The following PTPN14 variants were observed in gnomAD, a reference collection of about 807,000 sequenced individuals.
The protein encoded by PTPN14 is protein tyrosine phosphatase non-receptor type 14.
In PTPN14, 53 loss-of-function variants were observed where a neutral mutation model predicts 126.8. The observed-to-expected ratio is 0.42, with a 90% confidence interval of 0.34 to 0.53. PTPN14 has a LOEUF of 0.53. Among genes scored for constraint, PTPN14 ranks in the 20% least tolerant of loss-of-function variants. The pLI is 0.08. For missense variants in PTPN14, 1,257 were observed against 1,552.9 expected, an observed-to-expected ratio of 0.81 and a Z score of 3.20; for synonymous variants, 630 against 599.3, an observed-to-expected ratio of 1.05 and a Z score of -0.75.
chr1:214,452,062 C>T, intron 2 of PTPN14, 88 bp from the exon 3 acceptor site: 1 of 1,440,296 alleles, frequency 6.9e-7, no homozygotes, highest in Non-Finnish European at 9.4e-7. Context: ...CATGCTGCAT[C>T]CCACCCTGGG....
intron 2 of PTPN14, among the ~76,000 whole-genome samples, chr1:214,462,929 A>T (rs1660544266): frequency 6.6e-6 from 1 of 152,154 alleles, no homozygotes; most frequent in Admixed American, 6.5e-5. Flanking sequence ...AGCACTATAC[A>T]TTTTCCATAC....
At chr1:214,477,833 C>A (rs1660899732) in intron 1 of PTPN14, among the ~76,000 whole-genome samples, 1 of 152,146 alleles carries the variant, frequency 6.6e-6, no homozygotes, top group African/African-American at 2.4e-5. Flanking sequence ...AAATTTGTAT[C>A]TAATAAATAC....
intron 18 of PTPN14, among the ~76,000 whole-genome samples, chr1:214,362,370 G>A (rs57604915): frequency 0.036 from 5,497 of 152,266 alleles, 192 homozygotes; most frequent in African/African-American, 0.092. Context: ...GGTTGACCAC[G>A]TCCCAGCAAA....
rs185786892 is a variant in PTPN14, at chr1:214,443,374, G to A, written c.344+8431C>T. Among the ~76,000 whole-genome samples the A allele has an allele frequency of 9.2e-5, 14 of 152,204 alleles. No individual in the cohort carries two copies. In the East Asian group the frequency reaches 1.9e-3, roughly 21 times the overall value. ...CCAATTCCTGCAAGGATTTCCCAGT[G>A]AGTCAGATCCAGAAGCAGAAATGGT... On this transcript the variant is annotated intron_variant, in intron 3 of 18. Coordinates refer to ENST00000366956, the MANE Select transcript of PTPN14 (RefSeq NM_005401.5).
At chr1:214,496,733 A>G (rs1303771034) in intron 1 of PTPN14, among the ~76,000 whole-genome samples, 1 of 152,188 alleles carries the variant, frequency 6.6e-6, no homozygotes, top group African/African-American at 2.4e-5. Context: ...AGAACAATTT[A>G]TCCATAATCT....
chr1:214,422,935 G>A (rs1272582412), intron 3 of PTPN14, among the ~76,000 whole-genome samples: 3 of 152,092 alleles, frequency 2.0e-5, no homozygotes, highest in African/African-American at 7.2e-5. Context: ...TCTGATGAAC[G>A]AATGAGGCAA....
chr1:214,513,568 C>G (rs1571636269), intron 1 of PTPN14, among the ~76,000 whole-genome samples: 1 of 152,202 alleles, frequency 6.6e-6, no homozygotes, highest in Non-Finnish European at 1.5e-5. Flanking sequence ...CCACCACTCT[C>G]TGTGTGCTAC....
chr1:214,392,925 G>A (rs1301457593), intron 10 of PTPN14, among the ~76,000 whole-genome samples: 1 of 152,176 alleles, frequency 6.6e-6, no homozygotes, highest in African/African-American at 2.4e-5. Flanking sequence ...GAGTGGAAAA[G>A]CAGTTCTTCT....
At chr1:214,428,558 A>G (rs552734893) in intron 3 of PTPN14, among the ~76,000 whole-genome samples, 14 of 152,272 alleles carry the variant, frequency 9.2e-5, no homozygotes, top group African/African-American at 3.4e-4. Context: ...CTTGTCCCTC[A>G]AATCCTCTGC....
intron 1 of PTPN14, among the ~76,000 whole-genome samples, chr1:214,476,278 G>C (rs948489815): frequency 2.6e-5 from 4 of 152,178 alleles, no homozygotes; most frequent in African/African-American, 9.7e-5. Context: ...AATCACAAAA[G>C]CAAATGGAAA....
rs1454535074 is a variant in PTPN14 at position 214,411,677 on chromosome 1, C to T, written c.510+7G>A. 1.0e-5 allele frequency: 15 copies of T among 1,466,712 alleles called. No individual in the cohort carries two copies. The highest frequency in any genetic ancestry group is 2.4e-5 in the East Asian group (1 of 41,620). 90.9% of individuals were successfully genotyped at this position (1,466,712 alleles called of 1,614,324 possible). A position where few individuals can be genotyped will look rare whatever the true frequency, so the allele number is the denominator to read the frequency against. The stretch of plus-strand genomic sequence containing the variant: ...AAATTAATTAAGAAAAATGAAATTA[C>T]ACTTACCATAGGAAATAGCACATAC... On this transcript the variant is annotated splice_region_variant and intron_variant, in intron 5 of 18. Transcript: ENST00000366956.
At chr1:214,536,123 C>T (rs1049195938) in intron 1 of PTPN14, among the ~76,000 whole-genome samples, 4 of 148,872 alleles carry the variant, frequency 2.7e-5, no homozygotes, top group African/African-American at 9.9e-5. Context: ...GGTACAGTAG[C>T]TCACACCTAT....
In PTPN14 at chr1:214,436,786, C is replaced by CAAAAAAAAAAAAAAA. The variant is rs1159209240; in HGVS notation, c.344+15004_344+15018dup. Among the ~76,000 whole-genome samples the CAAAAAAAAAAAAAAA allele has an allele frequency of 7.1e-4, 33 of 46,632 alleles. 1 individual carries two copies. The highest frequency in any genetic ancestry group is 2.4e-3 in the African/African-American group (31 of 13,040). 30.6% of individuals were successfully genotyped at this position (46,632 alleles called of 152,430 possible). Reference sequence around the variant, plus strand: ...TGGGCGACAGAGAAAGACTCCGTCTCAAAAAAAAAAAAAAAAAAAAAAAAA... The same window carrying CAAAAAAAAAAAAAAA: ...TGGGCGACAGAGAAAGACTCCGTCTCAAAAAAAAAAAAAAAAAAAAAAAAAAAAAAAAAAAAAAAA... On this transcript the variant is annotated intron_variant, in intron 3 of 18. Coordinates refer to ENST00000366956, the MANE Select transcript of PTPN14 (RefSeq NM_005401.5).
At chr1:214,488,391 C>T (rs1661161739) in intron 1 of PTPN14, among the ~76,000 whole-genome samples, 1 of 152,136 alleles carries the variant, frequency 6.6e-6, no homozygotes, top group Non-Finnish European at 1.5e-5. Flanking sequence ...ACAAAGCCCA[C>T]CTACCATAAA....
At chr1:214,420,251 T>C (rs570778559) in intron 3 of PTPN14, among the ~76,000 whole-genome samples, 2 of 152,356 alleles carry the variant, frequency 1.3e-5, no homozygotes, top group East Asian at 3.9e-4. Context: ...GGCTTTTTCA[T>C]ACTATAAGCT....
rs114317407 is a variant in PTPN14, at chr1:214,501,694, G to T, written c.-154-36737C>A. On this transcript the variant is annotated intron_variant, in intron 1 of 18. Transcript: ENST00000366956. ...CTCAATAAACACTAATTAAGGAAAT[G>T]AATTGGGATCACCAGGCGTAGTATA... 2.0e-3 allele frequency among the ~76,000 whole-genome samples: 301 copies of T among 152,304 alleles called. 2 individuals carry two copies. Among genetic ancestry groups the T allele is most frequent in the African/African-American group, 6.6e-3 (276 of 41,566 alleles).
At chr1:214,378,480 C>A (rs557733086) in intron 13 of PTPN14, among the ~76,000 whole-genome samples, 1 of 152,346 alleles carries the variant, frequency 6.6e-6, no homozygotes, top group Admixed American at 6.5e-5. Context: ...TATGAACCAT[C>A]TAATCCAATC....
chr1:214,487,245 CAGGAATTAAAGTGAAG>C (rs1661134773), intron 1 of PTPN14, among the ~76,000 whole-genome samples: 1 of 37,564 alleles, frequency 2.7e-5, no homozygotes, highest in East Asian at 6.0e-4. Flanking sequence ...AAGTGAAAGA[CAGGAATTAAAGTGAAG>C]GAAGGAGGAG....
At chr1:214,541,658 G>A (rs977499121) in intron 1 of PTPN14, among the ~76,000 whole-genome samples, 1 of 152,146 alleles carries the variant, frequency 6.6e-6, no homozygotes, top group Non-Finnish European at 1.5e-5. Flanking sequence ...TGATTTACCT[G>A]TCCATTTCCT....
Sources: gnomAD v4.1 joint callset for allele counts (sites outside exome capture counted in the v4.1 genomes callset) on GRCh38, gnomAD v4.1.1 for gene constraint, MANE v1.5 for transcripts, NCBI Gene and HGNC (gene_info 2026-07-23, HGNC 2026-07-21) for gene names.